GRHL3: variants seen among roughly 807,000 people sequenced by gnomAD.
GRHL3 encodes the protein grainyhead like transcription factor 3.
A neutral mutation model predicts 70.3 loss-of-function variants in GRHL3; 20 were observed. The observed-to-expected ratio is 0.28, with a 90% confidence interval of 0.20 to 0.41. The LOEUF (loss-of-function observed/expected upper bound fraction) is 0.41, where lower values mean the gene tolerates loss of function less well. GRHL3 is among the 10% of genes least tolerant of loss of function. The probability of loss-of-function intolerance (pLI) is 1.00; values close to 1 mark genes in which losing one functional copy is unlikely to be tolerated. For missense variants in GRHL3, 637 were observed against 762.3 expected (o/e 0.84, Z 1.94); for synonymous variants, 299 against 299.9 (o/e 1.00, Z 0.03).
intron 15 of GRHL3, among the ~76,000 whole-genome samples, chr1:24,361,446 T>C (rs751365218): frequency 6.6e-5 from 10 of 152,020 alleles, no homozygotes; most frequent in Admixed American, 3.3e-4. Flanking sequence ...TGAAAAAAAC[T>C]GAGGCCTCAT....
chr1:24,329,834 C>T (rs1036740537), intron 1 of GRHL3, among the ~76,000 whole-genome samples: 7 of 152,172 alleles, frequency 4.6e-5, no homozygotes, highest in African/African-American at 1.7e-4. Flanking sequence ...ATAGCCTGGA[C>T]CACCCCATCT....
intron 15 of GRHL3, among the ~76,000 whole-genome samples, chr1:24,361,682 C>A (rs1391847091): frequency 1.3e-5 from 2 of 152,136 alleles, no homozygotes; most frequent in Non-Finnish European, 2.9e-5. Flanking sequence ...CTCTGCATAA[C>A]CCTTTACCAC....
In GRHL3 at chr1:24,342,255, C is replaced by T. The variant is rs773957300; in HGVS notation, c.1188C>T (p.Ile396=). The change falls in exon 9 of 16, where the codon ATC becomes ATT. Residue 396 remains isoleucine (I), a synonymous_variant. Coordinates refer to ENST00000361548, the MANE Select transcript of GRHL3 (RefSeq NM_198173.3). This position sits in a 1 kb window ranked among gnomAD's most constrained non-coding sequence, Gnocchi z 4.8. ...TGGTACACCGTGCTGTCTGCCAGAT[C>T]AAGATCTTCTGTGACAAGGTGGCTG... ...ERLVHRAVCQ[I]KIFCDKGAER... 3.1e-6 allele frequency: 5 copies of T among 1,608,814 alleles called. No homozygotes were observed. The South Asian group carries it at 5.6e-5, about 18-fold the overall frequency.
intron 8 of GRHL3, 68 bp downstream of exon 8, chr1:24,339,830 C>A: frequency 3.0e-6 from 3 of 986,564 alleles, no homozygotes; most frequent in Non-Finnish European, 4.7e-6. Context: ...GGGGTAGAGG[C>A]TTTCTTGCAC....
rs1315170166 is a variant in GRHL3 at position 24,321,914 on chromosome 1, G to T, written c.17+2346G>T. 1 of 152,160 alleles carries T rather than the reference G, an allele frequency of 6.6e-6. No homozygotes were observed. The highest frequency in any genetic ancestry group is 6.5e-5 in the Admixed American group (1 of 15,268). 9.4% of individuals were successfully genotyped at this position (152,160 alleles called of 1,614,324 possible). A position where few individuals can be genotyped will look rare whatever the true frequency, so the allele number is the denominator to read the frequency against. ...GGGCAGCCCCGGGCTACCGCAGGGCGCAAGGGATCCTGGGCTGCGGCCGAG... is the reference window on the plus strand; with the variant it reads ...GGGCAGCCCCGGGCTACCGCAGGGCTCAAGGGATCCTGGGCTGCGGCCGAG... On this transcript the variant is annotated intron_variant, in intron 1 of 15. Coordinates refer to ENST00000361548, the MANE Select transcript of GRHL3 (RefSeq NM_198173.3). The surrounding 1 kb of genome is among the most constrained non-coding windows in gnomAD (Gnocchi z 4.0).
Position 24,334,686 on chromosome 1 carries a change from C to T in GRHL3, c.246C>T (p.Gly82=). ...EKRILSSSTG[G]RNDQGKRYYH... is the part of the protein sequence containing the mutation. ...GGATATTGTCCTCCAGCACTGGGGG[C>T]AGGAATGACCAAGGAAAGAGGTGAG... The change falls in exon 3 of 16, where the codon GGC becomes GGT. Residue 82 remains glycine, a synonymous_variant. Coordinates refer to ENST00000361548, the MANE Select transcript of GRHL3 (RefSeq NM_198173.3). The surrounding 1 kb of genome is among the most constrained non-coding windows in gnomAD (Gnocchi z 4.3). The T allele has an allele frequency of 6.2e-7, 1 of 1,611,012 alleles. No homozygotes were observed. Among genetic ancestry groups the T allele is most frequent in the South Asian group, 1.1e-5 (1 of 90,034 alleles).
At chr1:24,324,892 A>G (rs1358100873) in intron 1 of GRHL3, among the ~76,000 whole-genome samples, 1 of 152,072 alleles carries the variant, frequency 6.6e-6, no homozygotes, top group Non-Finnish European at 1.5e-5. Context: ...TTCCCCATTG[A>G]GGCCCCCAAA....
intron 1 of GRHL3, among the ~76,000 whole-genome samples, chr1:24,328,526 T>C (rs1028886905): frequency 6.6e-6 from 1 of 152,272 alleles, no homozygotes; most frequent in African/African-American, 2.4e-5. Context: ...GTCTGTTCTT[T>C]TGTTTCGGTG....
Position 24,342,235 on chromosome 1 carries a change from C to A in GRHL3, c.1168C>A (p.His390Asn). The A allele has an allele frequency of 1.2e-6, 2 of 1,612,442 alleles. No homozygotes were observed. The highest frequency in any genetic ancestry group is 1.7e-6 in the Non-Finnish European group (2 of 1,179,122). ...DCGLGTERLV[H>N]RAVCQIKIFC... ...TGGCTTGGGCACTGAGCGCCTGGTACACCGTGCTGTCTGCCAGATCAAGAT... is the reference window on the plus strand; with the variant it reads ...TGGCTTGGGCACTGAGCGCCTGGTAAACCGTGCTGTCTGCCAGATCAAGAT... Residue 390 changes from histidine (H) to asparagine (N), a missense_variant, in exon 9 of 16, where the codon CAC (histidine) becomes AAC (asparagine). Physicochemically the swap from His to Asn is moderately conservative, Grantham distance 68. This residue lies in a region of GRHL3 where 387 missense variants were observed against 513.8 expected (regional missense o/e 0.75). Coordinates refer to ENST00000361548, the MANE Select transcript of GRHL3 (RefSeq NM_198173.3). This position sits in a 1 kb window ranked among gnomAD's most constrained non-coding sequence, Gnocchi z 4.8.
chr1:24,354,973 A>C lies in GRHL3; in HGVS notation c.*485A>C, dbSNP rs921153029. Reference sequence around the variant, plus strand: ...AAACTCTTGATTTTCAGTGCAAATGACTTTTAAAAGACACTATATTGGAGT... The same window carrying C: ...AAACTCTTGATTTTCAGTGCAAATGCCTTTTAAAAGACACTATATTGGAGT... On this transcript the variant is annotated 3_prime_UTR_variant, in exon 16 of 16. Coordinates refer to ENST00000361548, the MANE Select transcript of GRHL3 (RefSeq NM_198173.3). 6.4e-6 allele frequency: 1 copy of C among 156,514 alleles called. No homozygotes were observed. The highest frequency in any genetic ancestry group is 1.4e-5 in the Non-Finnish European group (1 of 70,526). The allele number at this position is 156,514 out of a possible 1,614,324, so 9.7% of individuals were successfully genotyped here. A position where few individuals can be genotyped will look rare whatever the true frequency, so the allele number is the denominator to read the frequency against.
intron 1 of GRHL3, among the ~76,000 whole-genome samples, chr1:24,324,131 G>C (rs1192004640): frequency 3.3e-5 from 5 of 152,168 alleles, no homozygotes; most frequent in Non-Finnish European, 7.3e-5. Flanking sequence ...AACAATAGAT[G>C]GGGGGAGAAA....
At chr1:24,360,839 C>T in intron 15 of GRHL3, 1 of 1,594,392 alleles carries the variant, frequency 6.3e-7, no homozygotes, top group African/African-American at 1.4e-5. Flanking sequence ...TCATTTAAAA[C>T]AATCCTCTGA....
chr1:24,355,892 A>ATTT (rs1274409345), downstream of GRHL3, among the ~76,000 whole-genome samples: 1 of 106,768 alleles, frequency 9.4e-6, no homozygotes, highest in African/African-American at 3.5e-5. Context: ...CTTTCTTTTC[A>ATTT]TTTATCTTTT....
At chr1:24,358,248 G>A (rs1354242937), downstream of GRHL3, 1 of 617,506 alleles carries the variant, frequency 1.6e-6, no homozygotes, top group Admixed American at 2.1e-5. Flanking sequence ...GTGCCGGAAG[G>A]CAGCCTGGAT....
chr1:24,342,011 G>A lies in GRHL3; in HGVS notation c.1048-104G>A. ...TCTAGGGGCCTAGTGAGGCTTAAGG[G>A]TGAGCAGCAGGCACACAGAAAGCTA... On this transcript the variant is annotated intron_variant, in intron 8 of 15. Transcript: ENST00000361548. This position sits in a 1 kb window ranked among gnomAD's most constrained non-coding sequence, Gnocchi z 4.8. 9.0e-7 allele frequency: 1 copy of A among 1,113,400 alleles called. No individual in the cohort carries two copies. Among genetic ancestry groups the A allele is most frequent in the Non-Finnish European group, 1.3e-6 (1 of 780,714 alleles). 69.0% of individuals were successfully genotyped at this position (1,113,400 alleles called of 1,614,324 possible). A position where few individuals can be genotyped will look rare whatever the true frequency, so the allele number is the denominator to read the frequency against.
exon 16 of GRHL3, chr1:24,364,446 C>T: frequency 6.9e-7 from 1 of 1,440,194 alleles, no homozygotes; most frequent in Non-Finnish European, 9.1e-7. Flanking sequence ...AGTATGTGGC[C>T]CCTGAATACA....
chr1:24,330,994 T>C (rs997311299), intron 1 of GRHL3, among the ~76,000 whole-genome samples: 1 of 152,268 alleles, frequency 6.6e-6, no homozygotes, highest in African/African-American at 2.4e-5. Context: ...CTTCTGTGCC[T>C]TTCACAGTCT....
At chr1:24,325,547 A>T (rs547377334) in intron 1 of GRHL3, among the ~76,000 whole-genome samples, 3 of 152,346 alleles carry the variant, frequency 2.0e-5, no homozygotes, top group East Asian at 3.9e-4. Context: ...GCCAGAAAGC[A>T]GTGGGCATTT....
chr1:24,358,540 T>C (rs1640873957), downstream of GRHL3: 1 of 1,612,562 alleles, frequency 6.2e-7, no homozygotes, highest in Admixed American at 1.7e-5. Context: ...TTGTGTGACA[T>C]CCCTACAGAA....
Sources: gnomAD v4.1 joint callset for allele counts (sites outside exome capture counted in the v4.1 genomes callset) on GRCh38, gnomAD v4.1.1 for gene constraint, gnomAD v4.1.1 regional missense constraint, Gnocchi (gnomAD v3.1) non-coding constraint, MANE v1.5 for transcripts, NCBI Gene and HGNC (gene_info 2026-07-23, HGNC 2026-07-21) for gene names.